NDE1: variants seen among roughly 807,000 people sequenced by gnomAD.
NDE1 encodes the protein nuclear distribution protein nudE homolog 1.
Under a neutral mutation model 43.4 loss-of-function variants are expected in NDE1, and 28 were observed. The observed-to-expected ratio is 0.65, with a 90% confidence interval of 0.48 to 0.89. The LOEUF (loss-of-function observed/expected upper bound fraction) is 0.89, where lower values mean the gene tolerates loss of function less well. Among genes scored for constraint, NDE1 ranks in the 40% least tolerant of loss-of-function variants. The probability of loss-of-function intolerance (pLI) is 0.00; values close to 1 mark genes in which losing one functional copy is unlikely to be tolerated. For synonymous variants in NDE1, 184 were observed against 172.0 expected (o/e 1.07, Z -0.55); for missense variants, 441 against 434.1 (o/e 1.02, Z -0.14).
intron 8 of NDE1, chr16:15,718,650 G>C: frequency 3.0e-6 from 2 of 667,314 alleles, no homozygotes; most frequent in Admixed American, 2.9e-5. Context: ...GCTGGGATTG[G>C]GATGGGGACC....
chr16:15,723,873 T>C (rs1418235278), intron 8 of NDE1, among the ~76,000 whole-genome samples: 5 of 152,324 alleles, frequency 3.3e-5, no homozygotes, highest in African/African-American at 7.2e-5. Context: ...AAGCACCTCA[T>C]TCCTTCTTCA....
At chr16:15,684,950 T>A (rs1355739376) in intron 4 of NDE1, among the ~76,000 whole-genome samples, 2 of 152,224 alleles carry the variant, frequency 1.3e-5, no homozygotes, top group African/African-American at 4.8e-5. Flanking sequence ...TTTACAGAGT[T>A]CCTCTGATCA....
rs1815151210 is a variant in NDE1, at chr16:15,724,570, G to A, written c.*319G>A. On this transcript the variant is annotated 3_prime_UTR_variant, in exon 9 of 9. Coordinates refer to ENST00000396354, the MANE Select transcript of NDE1 (RefSeq NM_017668.3). ...AGCACCATCGCACCAACACTCCACC[G>A]CGATCTGCCTGCGGGGGATCTCAGC... 6.2e-6 allele frequency: 10 copies of A among 1,610,338 alleles called. No individual in the cohort carries two copies. In the Admixed American group the frequency reaches 6.7e-5, roughly 11 times the overall value.
Position 15,725,952 on chromosome 16 carries a change from C to G in NDE1, c.*1701C>G. The G allele has an allele frequency of 8.4e-6, 3 of 358,002 alleles. No homozygotes were observed. The highest frequency in any genetic ancestry group is 1.5e-5 in the Non-Finnish European group (3 of 200,796). 22.2% of individuals were successfully genotyped at this position (358,002 alleles called of 1,614,324 possible). A position where few individuals can be genotyped will look rare whatever the true frequency, so the allele number is the denominator to read the frequency against. On this transcript the variant is annotated 3_prime_UTR_variant, in exon 9 of 9. Transcript: ENST00000396354. ...GCTCCCCCTCCAACCCCACTCTGTA[C>G]TATCTCCCCCTACCCCCAACCCCAG...
At chr16:15,646,196 C>A (rs2036325984), upstream of NDE1, among the ~76,000 whole-genome samples, 1 of 152,164 alleles carries the variant, frequency 6.6e-6, no homozygotes, top group Non-Finnish European at 1.5e-5. Flanking sequence ...AACACCAGTA[C>A]CTCATCAGTT....
chr16:15,681,450 A>G (rs555196274), intron 4 of NDE1, among the ~76,000 whole-genome samples: 1 of 150,770 alleles, frequency 6.6e-6, no homozygotes, highest in South Asian at 2.1e-4. Context: ...TTTTTTGTAG[A>G]TACAGGGTTT....
intron 7 of NDE1, chr16:15,694,477 C>A (rs2038915925): frequency 2.3e-6 from 3 of 1,298,980 alleles, no homozygotes; most frequent in Admixed American, 2.2e-5. Context: ...TCCCGAGGAG[C>A]TTGGACCACA....
At chr16:15,651,903 T>A (rs1045953167) in intron 1 of NDE1, 4 of 152,234 alleles carry the variant, frequency 2.6e-5, no homozygotes, top group Admixed American at 6.5e-5. Flanking sequence ...GTGTGTTATT[T>A]ATTATTTATT....
chr16:15,659,791 C>T (rs1429532820), intron 1 of NDE1, among the ~76,000 whole-genome samples: 7 of 146,638 alleles, frequency 4.8e-5, no homozygotes, highest in African/African-American at 1.8e-4. Flanking sequence ...CTCTGTCACT[C>T]AGGCTGGAGT....
chr16:15,707,943 G>C (rs1450628352), intron 8 of NDE1, among the ~76,000 whole-genome samples: 1 of 134,394 alleles, frequency 7.4e-6, no homozygotes, highest in African/African-American at 2.9e-5. Flanking sequence ...TTGCACTCCA[G>C]AGCGAGACTC....
upstream of NDE1, among the ~76,000 whole-genome samples, chr16:15,648,275 G>C (rs2036371725): frequency 6.6e-6 from 1 of 151,884 alleles, no homozygotes; most frequent in African/African-American, 2.4e-5. Flanking sequence ...GTGGACTGTA[G>C]TCACCCTGCT....
At chr16:15,700,744 C>G (rs1483649592) in intron 8 of NDE1, among the ~76,000 whole-genome samples, 2 of 152,056 alleles carry the variant, frequency 1.3e-5, no homozygotes. Context: ...AGCCACCGTG[C>G]CTGGCCCCTG....
chr16:15,699,060 A>T (rs1262599334), intron 8 of NDE1, among the ~76,000 whole-genome samples: 1 of 149,566 alleles, frequency 6.7e-6, no homozygotes, highest in African/African-American at 2.5e-5. Context: ...AATTTTTTTT[A>T]TATTTTATAG....
At chr16:15,672,040 G>A (rs1409317271) in intron 3 of NDE1, among the ~76,000 whole-genome samples, 3 of 152,054 alleles carry the variant, frequency 2.0e-5, no homozygotes, top group Admixed American at 1.3e-4. Context: ...TGGGTAGGAG[G>A]AAGATTAGTG....
chr16:15,657,714 T>A (rs778483016), intron 1 of NDE1, among the ~76,000 whole-genome samples: 37 of 152,120 alleles, frequency 2.4e-4, no homozygotes, highest in Non-Finnish European at 5.1e-4. Context: ...TCCTGCTTCA[T>A]CCTTCTGAGT....
chr16:15,693,710 C>T (rs1483494471), intron 6 of NDE1, among the ~76,000 whole-genome samples: 3 of 152,036 alleles, frequency 2.0e-5, no homozygotes, highest in South Asian at 2.1e-4. Context: ...GAGGCCAAGG[C>T]GGGCAGATCA....
chr16:15,672,084 C>A (rs1357076209), intron 3 of NDE1, among the ~76,000 whole-genome samples: 2 of 151,972 alleles, frequency 1.3e-5, no homozygotes, highest in African/African-American at 4.8e-5. Context: ...ATAACAGGCC[C>A]TCCATGGATC....
chr16:15,680,539 A>G (rs1457612608), intron 4 of NDE1, among the ~76,000 whole-genome samples: 5 of 151,880 alleles, frequency 3.3e-5, no homozygotes, highest in East Asian at 3.9e-4. Flanking sequence ...TTCTTTGCAT[A>G]TATATATTTT....
At chr16:15,710,354 C>T (rs1413826526) in intron 8 of NDE1, among the ~76,000 whole-genome samples, 2 of 152,076 alleles carry the variant, frequency 1.3e-5, no homozygotes, top group African/African-American at 4.8e-5. Flanking sequence ...AACCTTGCCA[C>T]TACTAAAAAT....
Sources: gnomAD v4.1 joint callset for allele counts (sites outside exome capture counted in the v4.1 genomes callset) on GRCh38, gnomAD v4.1.1 for gene constraint, MANE v1.5 for transcripts, NCBI Gene and HGNC (gene_info 2026-07-23, HGNC 2026-07-21) for gene names.